The following MAML2 variants were observed in gnomAD, a reference collection of about 807,000 sequenced individuals.
MAML2 encodes the protein mastermind like transcriptional coactivator 2.
In MAML2, 22 loss-of-function variants were observed where a neutral mutation model predicts 96.1. The ratio of observed to expected loss-of-function variants is 0.23; its 90% CI spans 0.16 to 0.33. The LOEUF (loss-of-function observed/expected upper bound fraction) is 0.33, where lower values mean the gene tolerates loss of function less well. Among genes scored for constraint, MAML2 ranks in the 10% least tolerant of loss-of-function variants. The probability of loss-of-function intolerance (pLI) is 1.00; values close to 1 mark genes in which losing one functional copy is unlikely to be tolerated. For synonymous variants in MAML2, 561 were observed against 521.3 expected (o/e 1.08, Z -1.04); for missense variants, 1,367 against 1,392.4 (o/e 0.98, Z 0.29).
At chr11:96,016,026 T>G (rs10831465) in intron 2 of MAML2, among the ~76,000 whole-genome samples, 49,107 of 151,940 alleles carry the variant, frequency 0.32, 8,336 homozygotes, top group South Asian at 0.48. Context: ...AAAGACGTAT[T>G]TGGGGCATCA....
rs1326629582 is a variant in MAML2 at position 96,092,398 on chromosome 11, G to T, written c.1633C>A (p.Pro545Thr). 2 of 1,613,978 alleles carry T rather than the reference G, an allele frequency of 1.2e-6. No individual in the cohort carries two copies. Among genetic ancestry groups the T allele is most frequent in the Non-Finnish European group, 1.7e-6 (2 of 1,179,892 alleles). Residue 545 changes from proline (P) to threonine (T), a missense_variant, in exon 2 of 5, where the codon CCG becomes ACG. Physicochemically the swap from Pro to Thr is conservative, Grantham distance 38. Transcript: ENST00000524717. The surrounding 1 kb of genome is among the most constrained non-coding windows in gnomAD (Gnocchi z 4.1). ...QDLSRSFINNPHPAMEPRQGN... is the reference protein window; with the variant it reads ...QDLSRSFINNTHPAMEPRQGN... Reference sequence around the variant, plus strand: ...TGACGGGGCTCCATGGCTGGGTGCGGGTTGTTAATAAAACTTCGACTGAGA... The same window carrying T: ...TGACGGGGCTCCATGGCTGGGTGCGTGTTGTTAATAAAACTTCGACTGAGA...
intron 1 of MAML2, among the ~76,000 whole-genome samples, chr11:96,117,778 A>C (rs971949658): frequency 6.6e-6 from 1 of 152,214 alleles, no homozygotes; most frequent in Non-Finnish European, 1.5e-5. Context: ...CCCAGGACTT[A>C]AAAATTGTAC....
At position 96,341,515 on chromosome 11, in the gene MAML2, T is replaced by C. The variant is rs768228590; in HGVS notation, c.381A>G (p.Pro127=). The part of the protein sequence containing the change: ...QAAATAAPPP[P]PDYHHHHQQH... The stretch of plus-strand genomic sequence containing the variant: ...GCTGGTGGTGATGGTGATAGTCTGG[T>C]GGGGGCGGTGGGGCTGCTGTTGCTG... The change falls in exon 1 of 5, where the codon CCA becomes CCG. Residue 127 remains proline, a synonymous_variant. Transcript: ENST00000524717. 29 of 1,540,906 alleles carry C rather than the reference T, an allele frequency of 1.9e-5. No individual in the cohort carries two copies. The South Asian group carries it at 2.5e-4, about 13-fold the overall frequency.
At chr11:96,217,107 C>T (rs564139023) in intron 1 of MAML2, among the ~76,000 whole-genome samples, 1 of 152,326 alleles carries the variant, frequency 6.6e-6, no homozygotes, top group Non-Finnish European at 1.5e-5. Context: ...ATCCAACATA[C>T]TTTGCTCAGT....
At chr11:96,193,890 A>T (rs1203252216) in intron 1 of MAML2, among the ~76,000 whole-genome samples, 1 of 152,208 alleles carries the variant, frequency 6.6e-6, no homozygotes, top group Non-Finnish European at 1.5e-5. Context: ...CATATGGTTC[A>T]TTTCTCTTTT....
chr11:95,996,705 A>C (rs1388906561), intron 2 of MAML2, among the ~76,000 whole-genome samples: 2 of 152,120 alleles, frequency 1.3e-5, no homozygotes, highest in African/African-American at 4.8e-5. Context: ...AAAACACAAA[A>C]CACCTCCTTA....
At chr11:96,211,505 T>C (rs1159786754) in intron 1 of MAML2, among the ~76,000 whole-genome samples, 1 of 148,750 alleles carries the variant, frequency 6.7e-6, no homozygotes, top group African/African-American at 2.5e-5. Flanking sequence ...GTCTGTTGGG[T>C]GAGACAGATG....
At position 96,214,385 on chromosome 11, in the gene MAML2, C is replaced by T. The variant is rs554478502; in HGVS notation, c.514-120868G>A. 3.9e-5 allele frequency among the ~76,000 whole-genome samples: 6 copies of T among 152,262 alleles called. No individual in the cohort carries two copies. The East Asian group carries it at 9.6e-4, about 24-fold the overall frequency. On this transcript the variant is annotated intron_variant, in intron 1 of 4. Transcript: ENST00000524717. ...CGTAACTTTTCAGAGCTTCAGTTTT[C>T]AAAACATCTGTAAGATGGAGGAAAG... is the stretch of plus-strand genomic sequence containing the variant.
At chr11:96,136,342 A>T (rs965195493) in intron 1 of MAML2, among the ~76,000 whole-genome samples, 1 of 152,198 alleles carries the variant, frequency 6.6e-6, no homozygotes, top group Non-Finnish European at 1.5e-5. Flanking sequence ...ACATACATAC[A>T]TATGAGTTGA....
chr11:96,253,764 C>T (rs1177819068), intron 1 of MAML2, among the ~76,000 whole-genome samples: 1 of 152,122 alleles, frequency 6.6e-6, no homozygotes, highest in Non-Finnish European at 1.5e-5. Context: ...AATTCTCAGC[C>T]ATCTGAGAAT....
intron 1 of MAML2, among the ~76,000 whole-genome samples, chr11:96,135,908 G>A (rs948204500): frequency 6.6e-6 from 1 of 151,658 alleles, no homozygotes; most frequent in Admixed American, 6.6e-5. Context: ...TGGACTCCTT[G>A]CACCCAGCTA....
intron 2 of MAML2, among the ~76,000 whole-genome samples, chr11:96,087,849 A>C (rs1859642858): frequency 6.6e-6 from 1 of 152,194 alleles, no homozygotes; most frequent in Non-Finnish European, 1.5e-5. Context: ...ATTGCAAAAC[A>C]CCAAATTCAT....
At chr11:96,247,907 C>G (rs1862532164) in intron 1 of MAML2, among the ~76,000 whole-genome samples, 1 of 152,056 alleles carries the variant, frequency 6.6e-6, no homozygotes, top group Non-Finnish European at 1.5e-5. Context: ...ATATGTATAC[C>G]CACCTTCACC....
chr11:96,111,590 C>A (rs1166907694), intron 1 of MAML2, among the ~76,000 whole-genome samples: 2 of 152,186 alleles, frequency 1.3e-5, no homozygotes, highest in Admixed American at 6.5e-5. Context: ...AATGGCACAT[C>A]TTTATTGGTG....
chr11:96,103,788 C>T (rs941840347), intron 1 of MAML2, among the ~76,000 whole-genome samples: 41 of 152,322 alleles, frequency 2.7e-4, no homozygotes, highest in Middle Eastern at 3.4e-3. Context: ...CCCCACATCT[C>T]GCCTCTCTCT....
chr11:96,043,568 T>C (rs1173217034), intron 2 of MAML2, among the ~76,000 whole-genome samples: 1 of 152,218 alleles, frequency 6.6e-6, no homozygotes, highest in Admixed American at 6.5e-5. Context: ...GTAATTTGCA[T>C]TTAATATAAA....
intron 2 of MAML2, among the ~76,000 whole-genome samples, chr11:96,021,190 A>G (rs1425444825): frequency 6.6e-6 from 1 of 152,102 alleles, no homozygotes; most frequent in East Asian, 1.9e-4. Context: ...AGCTCTTGTC[A>G]CACTGTATAG....
chr11:95,992,858 T>C (rs970163685), intron 2 of MAML2, among the ~76,000 whole-genome samples: 5 of 151,596 alleles, frequency 3.3e-5, no homozygotes, highest in Non-Finnish European at 7.4e-5. Flanking sequence ...ACTGAATACA[T>C]GGGAACAAAA....
chr11:96,160,140 T>C (rs1861081085), intron 1 of MAML2, among the ~76,000 whole-genome samples: 1 of 152,168 alleles, frequency 6.6e-6, no homozygotes. Flanking sequence ...GCAGAAGAGA[T>C]GTGTCTTGTG....
Sources: gnomAD v4.1 joint callset for allele counts (sites outside exome capture counted in the v4.1 genomes callset) on GRCh38, gnomAD v4.1.1 for gene constraint, Gnocchi (gnomAD v3.1) non-coding constraint, MANE v1.5 for transcripts, NCBI Gene and HGNC (gene_info 2026-07-23, HGNC 2026-07-21) for gene names.